The following VPS8 variants were observed in gnomAD, a reference collection of about 807,000 sequenced individuals.
VPS8 encodes VPS8 subunit of CORVET complex, also known as vacuolar protein sorting-associated protein 8 homolog.
VPS8 carries 129 observed loss-of-function variants against 216.4 expected under a neutral mutation model. The ratio of observed to expected loss-of-function variants is 0.60; its 90% CI spans 0.52 to 0.69. The LOEUF is 0.69. Among genes scored for constraint, VPS8 ranks in the 30% least tolerant of loss-of-function variants. VPS8 has a pLI of 0.00. For synonymous variants in VPS8, 571 were observed against 565.4 expected, an observed-to-expected ratio of 1.01 and a Z score of -0.14; for missense variants, 1,531 against 1,683.5, an observed-to-expected ratio of 0.91 and a Z score of 1.59.
At chr3:184,904,803 A>C (rs752770682) in intron 25 of VPS8, among the ~76,000 whole-genome samples, 2 of 152,206 alleles carry the variant, frequency 1.3e-5, no homozygotes, top group Non-Finnish European at 2.9e-5. Context: ...TGTTTGACAG[A>C]ATTCACTATG....
At position 184,869,548 on chromosome 3, in the gene VPS8, C is replaced by G. The variant is rs750556478; in HGVS notation, c.1644+20C>G. On this transcript the variant is annotated intron_variant, in intron 20 of 47. Coordinates refer to ENST00000625842, the MANE Select transcript of VPS8 (RefSeq NM_001009921.3). The stretch of plus-strand genomic sequence containing the variant: ...GACCGGGTGAGTATTTTAAGAGGGT[C>G]TTTACTAGAATACAGTGCAGATTTG... The G allele has an allele frequency of 1.7e-5, 27 of 1,612,020 alleles. 1 individual carries two copies. The highest frequency in any genetic ancestry group is 6.8e-6 in the Non-Finnish European group (8 of 1,178,710).
At chr3:185,028,858 G>A (rs1015013774) in intron 46 of VPS8, among the ~76,000 whole-genome samples, 3 of 152,208 alleles carry the variant, frequency 2.0e-5, no homozygotes, top group Admixed American at 1.3e-4. Flanking sequence ...AGTTGTATCC[G>A]TAAGTGTAGA....
chr3:185,031,455 G>T (rs755601580), intron 46 of VPS8, among the ~76,000 whole-genome samples: 15 of 152,138 alleles, frequency 9.9e-5, no homozygotes, highest in Non-Finnish European at 1.9e-4. Context: ...CCCAAAAAAG[G>T]AAACAGAGAA....
Position 184,844,780 on chromosome 3 carries a change from C to G in VPS8, c.541+1535C>G, listed in dbSNP as rs80286257. ...GCTAATAAAAGATACAGATATAATTCAGGGCAATGCCAAATAGATGTGTTG... is the reference window on the plus strand; with the variant it reads ...GCTAATAAAAGATACAGATATAATTGAGGGCAATGCCAAATAGATGTGTTG... On this transcript the variant is annotated intron_variant, in intron 8 of 47. Coordinates refer to ENST00000625842, the MANE Select transcript of VPS8 (RefSeq NM_001009921.3). Among the ~76,000 whole-genome samples the G allele has an allele frequency of 9.3e-4, 142 of 152,320 alleles. 3 individuals carry two copies. In the East Asian group the frequency reaches 0.019, roughly 20 times the overall value.
rs189030947 is a variant in VPS8, at chr3:184,935,712, A to G, written c.2899-534A>G. 3.7e-3 allele frequency among the ~76,000 whole-genome samples: 565 copies of G among 152,354 alleles called. 4 individuals carry two copies. Among genetic ancestry groups the G allele is most frequent in the African/African-American group, 0.012 (507 of 41,588 alleles). On this transcript the variant is annotated intron_variant, in intron 34 of 47. Transcript: ENST00000625842. Reference sequence around the variant, plus strand: ...ATTAAAAGTCTTATATTTGACAAATACATTTTATTAACAATGTTTAATTAA... The same window carrying G: ...ATTAAAAGTCTTATATTTGACAAATGCATTTTATTAACAATGTTTAATTAA...
At chr3:184,957,706 G>A (rs1439180513) in intron 37 of VPS8, among the ~76,000 whole-genome samples, 185 bp downstream of exon 37, 3 of 152,204 alleles carry the variant, frequency 2.0e-5, no homozygotes. Flanking sequence ...TTATTGATAT[G>A]TGCTATACCC....
At chr3:184,991,333 A>G (rs1219445334) in intron 42 of VPS8, among the ~76,000 whole-genome samples, 5 of 152,368 alleles carry the variant, frequency 3.3e-5, no homozygotes, top group South Asian at 4.1e-4. Context: ...TCATTGCTGA[A>G]GAATCTAGCT....
chr3:185,020,104 T>C (rs921005307), intron 45 of VPS8, among the ~76,000 whole-genome samples: 2 of 152,234 alleles, frequency 1.3e-5, no homozygotes, highest in Non-Finnish European at 2.9e-5. Context: ...CAACAGAAAT[T>C]ATCAAGTTTG....
intron 43 of VPS8, 33 bp from the exon 44 acceptor site, chr3:184,996,299 T>G (rs371370736): frequency 1.1e-5 from 17 of 1,575,378 alleles, no homozygotes; most frequent in South Asian, 5.8e-5. Context: ...TATAACCTTT[T>G]GTTTGTTTGT....
chr3:184,821,856 A>G (rs1293976405), intron 1 of VPS8, among the ~76,000 whole-genome samples: 3 of 152,114 alleles, frequency 2.0e-5, no homozygotes, highest in East Asian at 3.9e-4. Context: ...TATAGAGAAC[A>G]ATGGAAATAT....
intron 46 of VPS8, among the ~76,000 whole-genome samples, chr3:185,034,374 CA>C (rs142531659): frequency 0.083 from 12,683 of 152,028 alleles, 1,212 homozygotes; most frequent in African/African-American, 0.23. Context: ...TTTTGATTTG[CA>C]TTTCTCTGAT....
intron 45 of VPS8, among the ~76,000 whole-genome samples, chr3:185,009,164 CAA>C (rs1754651320): frequency 6.6e-6 from 1 of 151,980 alleles, no homozygotes; most frequent in Admixed American, 6.6e-5. Context: ...TTCATACAGA[CAA>C]AGAGAACTAA....
At chr3:185,030,124 C>T (rs1757912554) in intron 46 of VPS8, among the ~76,000 whole-genome samples, 1 of 152,134 alleles carries the variant, frequency 6.6e-6, no homozygotes, top group East Asian at 1.9e-4. Flanking sequence ...CGACATAAAA[C>T]CCATTGCAAT....
chr3:185,041,941 C>T (rs969588863), intron 46 of VPS8, among the ~76,000 whole-genome samples: 1 of 152,112 alleles, frequency 6.6e-6, no homozygotes, highest in African/African-American at 2.4e-5. Flanking sequence ...TTGGCTAAAG[C>T]AGAAGGGAAG....
At chr3:184,902,478 G>A (rs1160329157) in intron 25 of VPS8, among the ~76,000 whole-genome samples, 10 of 151,574 alleles carry the variant, frequency 6.6e-5, no homozygotes, top group African/African-American at 2.2e-4. Context: ...GCAAGACTCC[G>A]TCTCATGAAG....
chr3:185,050,149 A>C (rs1365308195), intron 47 of VPS8, among the ~76,000 whole-genome samples: 12 of 143,372 alleles, frequency 8.4e-5, no homozygotes. Flanking sequence ...TTTGCAATTG[A>C]TCTTCCCACC....
intron 40 of VPS8, among the ~76,000 whole-genome samples, chr3:184,981,258 G>A (rs779434929): frequency 1.6e-4 from 25 of 152,150 alleles, no homozygotes; most frequent in Non-Finnish European, 2.8e-4. Flanking sequence ...CTTTGTTGAG[G>A]CAGTGGCTGC....
chr3:184,824,039 T>C (rs1560262981), intron 1 of VPS8: 3 of 152,360 alleles, frequency 2.0e-5, no homozygotes. Context: ...GCTCGTGTTG[T>C]ATTAAATAGC....
intron 15 of VPS8, among the ~76,000 whole-genome samples, chr3:184,861,058 G>C (rs1397071971): frequency 6.6e-6 from 1 of 151,998 alleles, no homozygotes; most frequent in Admixed American, 6.6e-5. Flanking sequence ...TCCTGACCTC[G>C]TGATCTGCCC....
Sources: gnomAD v4.1 joint callset for allele counts (sites outside exome capture counted in the v4.1 genomes callset) on GRCh38, gnomAD v4.1.1 for gene constraint, MANE v1.5 for transcripts, NCBI Gene and HGNC (gene_info 2026-07-23, HGNC 2026-07-21) for gene names.